Variants in ZNF841 observed in about 807,000 individuals in gnomAD.
ZNF841 encodes the protein TCONS_00006091.
A neutral mutation model predicts 13.0 loss-of-function variants in ZNF841; 11 were observed. The observed-to-expected ratio is 0.85, with a 90% confidence interval of 0.53 to 1.40. ZNF841 has a LOEUF of 1.40. ZNF841 is among the 40% of genes most tolerant of loss of function. The pLI, the probability that ZNF841 is intolerant of heterozygous loss-of-function variation, is 0.00. For synonymous variants in ZNF841, 369 were observed against 381.6 expected (o/e 0.97, Z 0.38); for missense variants, 1,068 against 1,139.5 (o/e 0.94, Z 0.90).
At chr19:52,061,424 T>A (rs1223631230), downstream of ZNF841, among the ~76,000 whole-genome samples, 1 of 152,136 alleles carries the variant, frequency 6.6e-6, no homozygotes, top group Non-Finnish European at 1.5e-5. Context: ...AGAAATCCCA[T>A]ATGCACAGGA....
chr19:52,067,513 G>A lies in ZNF841; in HGVS notation c.369C>T (p.Ser123=). 2 of 1,595,936 alleles carry A rather than the reference G, an allele frequency of 1.3e-6. No homozygotes were observed. Among genetic ancestry groups the A allele is most frequent in the Non-Finnish European group, 1.7e-6 (2 of 1,169,714 alleles). ...TGAAGTAAAAATTTTCAGTGTCATA[G>A]CTTTCATGTCCTTCCAACATCACTG... ...FQAVMLEGHE[S]YDTENFYFRE... The change falls in exon 7 of 7, where the codon AGC becomes AGT. Residue 123 remains serine, a synonymous_variant. Transcript: ENST00000594440.
chr19:52,086,780 C>A lies in ZNF841; in HGVS notation c.-77-1902G>T, dbSNP rs192665193. ...AGAAAATCAAATAGCTCCTGACAGG[C>A]AAAGAAAGAGTAAAGCAGGAAATGA... On this transcript the variant is annotated intron_variant, in intron 3 of 6. Coordinates refer to ENST00000594440, the MANE Select transcript of ZNF841 (RefSeq NM_001136499.2). Among the ~76,000 whole-genome samples, 44 of 152,048 alleles carry A rather than the reference C, an allele frequency of 2.9e-4. No homozygotes were observed. The East Asian group carries it at 6.0e-3, about 21-fold the overall frequency.
intron 6 of ZNF841, among the ~76,000 whole-genome samples, chr19:52,071,750 A>G (rs1268150191): frequency 1.3e-5 from 2 of 152,174 alleles, no homozygotes; most frequent in African/African-American, 4.8e-5. Context: ...GGAAAAAAAA[A>G]TCAACTATAT....
intron 6 of ZNF841, among the ~76,000 whole-genome samples, chr19:52,074,016 T>G (rs2087817503): frequency 6.6e-6 from 1 of 152,188 alleles, no homozygotes; most frequent in Non-Finnish European, 1.5e-5. Flanking sequence ...TGTAATCAAT[T>G]TAACCGACAA....
intron 6 of ZNF841, among the ~76,000 whole-genome samples, chr19:52,073,337 C>T (rs1303307561): frequency 2.7e-5 from 4 of 150,168 alleles, no homozygotes; most frequent in Non-Finnish European, 4.4e-5. Flanking sequence ...CTTGCTCTGT[C>T]GCCCAGGCTG....
intron 3 of ZNF841, among the ~76,000 whole-genome samples, chr19:52,086,385 T>C (rs2088275776): frequency 6.6e-6 from 1 of 152,088 alleles, no homozygotes; most frequent in South Asian, 2.1e-4. Context: ...CCCCCCTCAC[T>C]CTCTCTTGCT....
chr19:52,079,493 G>C (rs1458701441), intron 4 of ZNF841, among the ~76,000 whole-genome samples: 1 of 142,382 alleles, frequency 7.0e-6, no homozygotes, highest in African/African-American at 2.7e-5. Flanking sequence ...CCCAACAAGT[G>C]AAACACTGGA....
intron 4 of ZNF841, 55 bp downstream of exon 4, chr19:52,084,732 C>T (rs2088212952): frequency 1.3e-6 from 2 of 1,588,706 alleles, no homozygotes; most frequent in South Asian, 1.1e-5. Flanking sequence ...AGCTCCAATG[C>T]CCTGCATTTC....
chr19:52,060,275 G>A (rs2087375585), downstream of ZNF841, among the ~76,000 whole-genome samples: 1 of 152,214 alleles, frequency 6.6e-6, no homozygotes. Flanking sequence ...TAGGCCCAAA[G>A]TTTGGGATTT....
rs377124307 is a variant in ZNF841 at position 52,065,184 on chromosome 19, C to T, written c.2698G>A (p.Ala900Thr). ...AGTTTAGTTGTAAGGTTCTCTCCAG[C>T]ATGTTTTATCTGATGTTTAGTGAGG... Reference protein sequence around the residue: ...SGLTKHQIKHAGENLTTKLNV... With the variant: ...SGLTKHQIKHTGENLTTKLNV... The change falls in exon 7 of 7, where the codon GCT (alanine) becomes ACT (threonine). Residue 900 changes from alanine (A) to threonine (T), a missense_variant. Ala to Thr is a moderately conservative substitution (Grantham distance 58, BLOSUM62 0). Transcript: ENST00000594440. The T allele has an allele frequency of 6.8e-5, 109 of 1,601,754 alleles. 4 individuals carry two copies. The South Asian group carries it at 7.1e-4, about 10-fold the overall frequency.
chr19:52,061,220 CA>C, downstream of ZNF841, among the ~76,000 whole-genome samples: 1 of 152,206 alleles, frequency 6.6e-6, no homozygotes, highest in Admixed American at 6.5e-5. Context: ...CCTGATTCCA[CA>C]CTTGGCTACA....
downstream of ZNF841, among the ~76,000 whole-genome samples, chr19:52,063,227 C>T (rs183442764): frequency 6.6e-6 from 1 of 152,192 alleles, no homozygotes. Context: ...GGTTTCTATC[C>T]AGTATGAATA....
At chr19:52,089,065 G>A (rs1339939987) in intron 2 of ZNF841, 63 bp from the exon 3 acceptor site, 1 of 152,144 alleles carries the variant, frequency 6.6e-6, no homozygotes, top group African/African-American at 2.4e-5. Context: ...CGAAAACAAT[G>A]TACTTTTTGC....
intron 6 of ZNF841, among the ~76,000 whole-genome samples, chr19:52,072,291 A>G (rs1350469693): frequency 1.3e-5 from 2 of 152,208 alleles, no homozygotes; most frequent in Non-Finnish European, 2.9e-5. Context: ...CAGAAGAAAA[A>G]CAAGGAACTA....
chr19:52,079,980 A>C (rs2123311052), intron 4 of ZNF841, among the ~76,000 whole-genome samples: 1 of 149,912 alleles, frequency 6.7e-6, no homozygotes, highest in African/African-American at 2.5e-5. Flanking sequence ...AACAAGAGCG[A>C]AACTCCATCT....
chr19:52,090,664 A>AAAGC, intron 2 of ZNF841, among the ~76,000 whole-genome samples: 1 of 137,184 alleles, frequency 7.3e-6, no homozygotes, highest in Non-Finnish European at 1.6e-5. Context: ...GGAAAGAAAG[A>AAAGC]AAGAAAGAAA....
chr19:52,059,374 T>A, the ZNF841 span, among the ~76,000 whole-genome samples: 89 of 87,632 alleles, frequency 1.0e-3, no homozygotes, highest in African/African-American at 2.4e-3. Context: ...AAAAAAAATA[T>A]ATATATATAT....
At chr19:52,088,096 A>T (rs2088348103) in intron 3 of ZNF841, among the ~76,000 whole-genome samples, 1 of 151,594 alleles carries the variant, frequency 6.6e-6, no homozygotes, top group Non-Finnish European at 1.5e-5. Context: ...GATTTTCCAG[A>T]TAATACTTCG....
chr19:52,069,073 T>C (rs76968171), intron 6 of ZNF841, among the ~76,000 whole-genome samples: 7,333 of 152,254 alleles, frequency 0.048, 260 homozygotes, highest in African/African-American at 0.095. Flanking sequence ...GTATTCATTG[T>C]CTTTTTTTGC....
Sources: gnomAD v4.1 joint callset for allele counts (sites outside exome capture counted in the v4.1 genomes callset) on GRCh38, gnomAD v4.1.1 for gene constraint, MANE v1.5 for transcripts, NCBI Gene and HGNC (gene_info 2026-07-23, HGNC 2026-07-21) for gene names.